FAM20B: variants seen among roughly 807,000 people sequenced by gnomAD.
FAM20B encodes FAM20B glycosaminoglycan xylosylkinase.
Under a neutral mutation model 43.8 loss-of-function variants are expected in FAM20B, and 23 were observed. The ratio of observed to expected loss-of-function variants is 0.53; its 90% CI spans 0.38 to 0.74. The LOEUF (loss-of-function observed/expected upper bound fraction) is 0.74, where lower values mean the gene tolerates loss of function less well. Ranked by LOEUF, FAM20B falls within the 30% of genes least tolerant of loss-of-function variation. The pLI is 0.00. For synonymous variants in FAM20B, 178 were observed against 192.4 expected, an observed-to-expected ratio of 0.93 and a Z score of 0.62; for missense variants, 440 against 510.5, an observed-to-expected ratio of 0.86 and a Z score of 1.33.
At chr1:179,067,632 G>A (rs532583072) in intron 7 of FAM20B, among the ~76,000 whole-genome samples, 1 of 151,662 alleles carries the variant, frequency 6.6e-6, no homozygotes, top group African/African-American at 2.4e-5. Flanking sequence ...ATAATAATTG[G>A]TTTTTTTAAA....
rs1205893308 is a variant in FAM20B at position 179,072,958 on chromosome 1, T to C, written c.*814T>C. ...AAAGTTGTCTCTAGAGAAAATACTA[T>C]TACAATCTAAGCATGATTCTCTGTG... On this transcript the variant is annotated 3_prime_UTR_variant, in exon 8 of 8. Transcript: ENST00000263733. 2 of 152,228 alleles carry C rather than the reference T, an allele frequency of 1.3e-5. No homozygotes were observed. The highest frequency in any genetic ancestry group is 2.1e-4 in the South Asian group (1 of 4,830). The allele number at this position is 152,228 out of a possible 1,614,324, so 9.4% of individuals were successfully genotyped here.
At chr1:179,026,313 T>A (rs1310908540) in intron 1 of FAM20B, among the ~76,000 whole-genome samples, 1 of 151,430 alleles carries the variant, frequency 6.6e-6, no homozygotes, top group Non-Finnish European at 1.5e-5. Context: ...GCCCGAGGCT[T>A]CCTGGGAGAC....
chr1:179,054,550 C>T lies in FAM20B; in HGVS notation c.486C>T (p.Ala162=). ...HLDRILGFHR[A]PLVVGRFVNL... is the part of the protein sequence containing the mutation. ...CCAGGATTCTGGGTTTCCACCGAGC[C>T]CCCTTGGTAGTTGGCAGATTTGTTA... Residue 162 remains alanine, a synonymous_variant, in exon 4 of 8, where the codon GCC becomes GCT. Coordinates refer to ENST00000263733, the MANE Select transcript of FAM20B (RefSeq NM_014864.4). 1 of 1,612,094 alleles carries T rather than the reference C, an allele frequency of 6.2e-7. No homozygotes were observed. The highest frequency in any genetic ancestry group is 1.1e-5 in the South Asian group (1 of 90,906).
chr1:179,062,365 A>G (rs755726701), intron 4 of FAM20B, among the ~76,000 whole-genome samples: 1 of 152,120 alleles, frequency 6.6e-6, no homozygotes, highest in Admixed American at 6.6e-5. Flanking sequence ...AAAACCATCA[A>G]TTCAGGCCTG....
In FAM20B at chr1:179,064,412, T is replaced by G. The variant is rs774044915; in HGVS notation, c.854T>G (p.Ile285Ser). 1.2e-5 allele frequency: 20 copies of G among 1,614,034 alleles called. No individual in the cohort carries two copies. The highest frequency in any genetic ancestry group is 1.7e-5 in the Non-Finnish European group (20 of 1,179,996). The change falls in exon 6 of 8, where the codon ATT (isoleucine) becomes AGT (serine). Residue 285 changes from isoleucine to serine, a missense_variant. Transcript: ENST00000263733. ...IIDTAVFDYL[I>S]GNADRHHYES... Reference sequence around the variant, plus strand: ...GACACAGCTGTCTTTGATTACCTGATTGGCAATGCTGACCGCCATCACTAT... The same window carrying G: ...GACACAGCTGTCTTTGATTACCTGAGTGGCAATGCTGACCGCCATCACTAT...
intron 2 of FAM20B, among the ~76,000 whole-genome samples, chr1:179,047,432 A>C (rs1196483949): frequency 6.6e-6 from 1 of 152,124 alleles, no homozygotes; most frequent in Non-Finnish European, 1.5e-5. Flanking sequence ...CAAGCCCCTG[A>C]CTGTCTGGTC....
chr1:179,023,945 G>C (rs1441868403), upstream of FAM20B, among the ~76,000 whole-genome samples: 1 of 152,118 alleles, frequency 6.6e-6, no homozygotes, highest in African/African-American at 2.4e-5. Context: ...AAATAATCCC[G>C]TACAGGCGGA....
At chr1:179,028,824 A>C (rs1649895336) in intron 1 of FAM20B, among the ~76,000 whole-genome samples, 1 of 152,246 alleles carries the variant, frequency 6.6e-6, no homozygotes, top group South Asian at 2.1e-4. Context: ...TGAATGAATA[A>C]ATGGAAAACA....
intron 1 of FAM20B, among the ~76,000 whole-genome samples, chr1:179,039,028 AAGGGAGC>A (rs1366401004): frequency 6.6e-6 from 1 of 152,214 alleles, no homozygotes; most frequent in Non-Finnish European, 1.5e-5. Flanking sequence ...AGTTGTTATT[AAGGGAGC>A]AGTATCACGT....
At chr1:179,043,381 C>T (rs1650625719) in intron 1 of FAM20B, among the ~76,000 whole-genome samples, 1 of 152,156 alleles carries the variant, frequency 6.6e-6, no homozygotes, top group Admixed American at 6.5e-5. Context: ...TGGGTGGCTG[C>T]AGCTGTACCC....
chr1:179,051,667 G>C (rs913966614), intron 3 of FAM20B, among the ~76,000 whole-genome samples: 1 of 152,008 alleles, frequency 6.6e-6, no homozygotes, highest in Non-Finnish European at 1.5e-5. Context: ...TTTTTTCTGA[G>C]ACAGAGTCTC....
At chr1:179,023,019 G>T (rs2224962), upstream of FAM20B, among the ~76,000 whole-genome samples, 57,354 of 152,066 alleles carry the variant, frequency 0.38, 11,009 homozygotes, top group Middle Eastern at 0.43. Context: ...AGGACAGCAA[G>T]TGAGCCCCTT....
At chr1:179,032,746 G>T (rs1305283789) in intron 1 of FAM20B, among the ~76,000 whole-genome samples, 1 of 152,154 alleles carries the variant, frequency 6.6e-6, no homozygotes, top group Non-Finnish European at 1.5e-5. Flanking sequence ...TTTATTTTTA[G>T]TTGAAGACCC....
At chr1:179,068,554 G>A (rs1651787306) in intron 7 of FAM20B, among the ~76,000 whole-genome samples, 1 of 152,018 alleles carries the variant, frequency 6.6e-6, no homozygotes, top group Admixed American at 6.6e-5. Flanking sequence ...TCCTGCGTCA[G>A]CCTCCCAAGT....
intron 7 of FAM20B, among the ~76,000 whole-genome samples, chr1:179,068,406 A>T (rs1352369081): frequency 2.0e-5 from 3 of 152,140 alleles, no homozygotes; most frequent in Non-Finnish European, 2.9e-5. Flanking sequence ...TAGCAAAGAC[A>T]TAGTGTGATA....
At chr1:179,023,734 C>T (rs1028831568), upstream of FAM20B, among the ~76,000 whole-genome samples, 18 of 152,216 alleles carry the variant, frequency 1.2e-4, no homozygotes, top group African/African-American at 4.3e-4. Flanking sequence ...TCTTCTCCTA[C>T]CTGTATTTTG....
At chr1:179,059,919 C>G (rs541758597) in intron 4 of FAM20B, among the ~76,000 whole-genome samples, 1 of 151,590 alleles carries the variant, frequency 6.6e-6, no homozygotes, top group African/African-American at 2.4e-5. Context: ...TTGCAGTGAG[C>G]CGAGATCATG....
chr1:179,025,697 A>ACCGGCG (rs921916052), upstream of FAM20B: 1 of 150,460 alleles, frequency 6.6e-6, no homozygotes, highest in Non-Finnish European at 1.5e-5. Flanking sequence ...CCGGCAGGAG[A>ACCGGCG]CCGGCGCCGG....
chr1:179,044,301 G>A, intron 2 of FAM20B, 77 bp downstream of exon 2: 1 of 1,476,780 alleles, frequency 6.8e-7, no homozygotes, highest in Non-Finnish European at 9.1e-7. Context: ...GATTTATTTT[G>A]TCATCTTCTC....
Sources: allele counts gnomAD v4.1 joint callset (sites outside exome capture counted in the v4.1 genomes callset), GRCh38; gene constraint gnomAD v4.1.1; transcripts MANE v1.5; gene names NCBI Gene and HGNC (gene_info 2026-07-23, HGNC 2026-07-21).